PTPRJ: variants seen among roughly 807,000 people sequenced by gnomAD.
The protein encoded by PTPRJ is receptor-type tyrosine-protein phosphatase eta.
A neutral mutation model predicts 141.3 loss-of-function variants in PTPRJ; 129 were observed. The observed-to-expected ratio is 0.91, with a 90% CI of 0.79 to 1.06. The LOEUF is 1.06. PTPRJ is among the 50% of genes least tolerant of loss of function. PTPRJ has a pLI of 0.00. For synonymous variants in PTPRJ, 610 were observed against 640.5 expected (o/e 0.95, Z 0.72); for missense variants, 1,601 against 1,679.7 (o/e 0.95, Z 0.82).
chr11:48,118,452 A>G (rs144526897), intron 3 of PTPRJ, among the ~76,000 whole-genome samples: 2 of 152,326 alleles, frequency 1.3e-5, no homozygotes, highest in East Asian at 3.9e-4. Context: ...GGAGGAGAGA[A>G]TACTTCCAAA....
chr11:48,053,532 TATA>T (rs919295144), intron 1 of PTPRJ, among the ~76,000 whole-genome samples: 2 of 130,902 alleles, frequency 1.5e-5, no homozygotes, highest in African/African-American at 6.0e-5. Context: ...AGAGGTCAAA[TATA>T]ATATTATATA....
chr11:48,141,946 T>G (rs78781435), intron 11 of PTPRJ, among the ~76,000 whole-genome samples: 3,207 of 152,118 alleles, frequency 0.021, 119 homozygotes, highest in African/African-American at 0.073. Context: ...GTGTTTTTTT[T>G]TTTTTTTAAA....
chr11:48,113,042 A>G, intron 3 of PTPRJ, 59 bp downstream of exon 3: 1 of 1,400,206 alleles, frequency 7.1e-7, no homozygotes, highest in Non-Finnish European at 9.8e-7. Context: ...GAATTTATAA[A>G]TGTCATGTTT....
chr11:48,108,684 T>G (rs982907565), intron 1 of PTPRJ, among the ~76,000 whole-genome samples: 2 of 152,212 alleles, frequency 1.3e-5, no homozygotes, highest in African/African-American at 2.4e-5. Context: ...TCTGCCTCTC[T>G]CCTATGATCC....
chr11:48,098,109 C>T (rs910613974), intron 1 of PTPRJ, among the ~76,000 whole-genome samples: 1 of 152,186 alleles, frequency 6.6e-6, no homozygotes, highest in Non-Finnish European at 1.5e-5. Context: ...TCACACAGTT[C>T]CACTGCTTGC....
chr11:48,084,651 G>A (rs1855649985), intron 1 of PTPRJ, among the ~76,000 whole-genome samples: 1 of 152,170 alleles, frequency 6.6e-6, no homozygotes, highest in African/African-American at 2.4e-5. Flanking sequence ...TGAAGCAGAC[G>A]AGCTCTGACT....
intron 1 of PTPRJ, among the ~76,000 whole-genome samples, chr11:48,084,465 T>C (rs1295564446): frequency 6.6e-6 from 1 of 152,196 alleles, no homozygotes; most frequent in Non-Finnish European, 1.5e-5. Context: ...ATTACAGGCA[T>C]GGCAGAATCT....
rs1856952690 is a variant in PTPRJ at position 48,130,601 on chromosome 11, C to T, written c.1500C>T (p.Thr500=). 6 of 1,614,074 alleles carry T rather than the reference C, an allele frequency of 3.7e-6. No individual in the cohort carries two copies. Among genetic ancestry groups the T allele is most frequent in the Non-Finnish European group, 5.1e-6 (6 of 1,179,998 alleles). Residue 500 remains threonine, a synonymous_variant, in exon 8 of 25, where the codon ACC becomes ACT. Coordinates refer to ENST00000418331, the MANE Select transcript of PTPRJ (RefSeq NM_002843.4). Reference sequence around the variant, plus strand: ...GCAATTCTCGGGTAGAAATAACCACCAACCAAAGTATTATCATTGGTGGCT... The same window carrying T: ...GCAATTCTCGGGTAGAAATAACCACTAACCAAAGTATTATCATTGGTGGCT... ...GAGNSRVEIT[T]NQSIIIGGLF...
chr11:48,076,839 G>A (rs1855418853), intron 1 of PTPRJ, among the ~76,000 whole-genome samples: 2 of 150,406 alleles, frequency 1.3e-5, no homozygotes, highest in Admixed American at 6.6e-5. Context: ...ACAATTGGTA[G>A]AAAAGAACAA....
intron 1 of PTPRJ, among the ~76,000 whole-genome samples, chr11:48,082,986 G>C (rs566450579): frequency 5.9e-5 from 9 of 152,222 alleles, no homozygotes; most frequent in Admixed American, 2.0e-4. Context: ...TCATTGGAGG[G>C]GTGGAGGCCC....
At chr11:48,061,122 A>G (rs1854910595) in intron 1 of PTPRJ, among the ~76,000 whole-genome samples, 1 of 152,158 alleles carries the variant, frequency 6.6e-6, no homozygotes, top group South Asian at 2.1e-4. Context: ...GATTACAGGC[A>G]TGTACCACCA....
chr11:48,027,516 T>C (rs936029961), intron 1 of PTPRJ, among the ~76,000 whole-genome samples: 2 of 151,708 alleles, frequency 1.3e-5, no homozygotes, highest in African/African-American at 2.4e-5. Context: ...GTCGTCTGGG[T>C]GCAGTGACTC....
chr11:48,073,088 T>C (rs1219088180), intron 1 of PTPRJ, among the ~76,000 whole-genome samples: 2 of 152,216 alleles, frequency 1.3e-5, no homozygotes, highest in Non-Finnish European at 2.9e-5. Context: ...AGTCTTACGA[T>C]GGGGGTGGTC....
At chr11:48,067,930 A>G (rs1327796846) in intron 1 of PTPRJ, among the ~76,000 whole-genome samples, 1 of 152,254 alleles carries the variant, frequency 6.6e-6, no homozygotes, top group Non-Finnish European at 1.5e-5. Flanking sequence ...CAGAAGGCCC[A>G]TGTCTCAATA....
chr11:48,123,821 A>G lies in PTPRJ; in HGVS notation c.825A>G (p.Leu275=), dbSNP rs1856769575. Residue 275 remains leucine (L), a synonymous_variant, in exon 5 of 25, where the codon CTA becomes CTG. Transcript: ENST00000418331. ...GVQYNINPYL[L]QSNKTKGDPL... ...AATACAACATCAACCCGTATCTTCT[A>G]CAATCAAATAAGACAAAGGGAGACC... 4 of 1,614,136 alleles carry G rather than the reference A, an allele frequency of 2.5e-6. No individual in the cohort carries two copies. The highest frequency in any genetic ancestry group is 3.4e-6 in the Non-Finnish European group (4 of 1,180,000).
chr11:48,082,805 A>G lies in PTPRJ; in HGVS notation c.97-27253A>G, dbSNP rs150516198. 2.5e-3 allele frequency among the ~76,000 whole-genome samples: 382 copies of G among 152,226 alleles called. 2 individuals carry two copies. The highest frequency in any genetic ancestry group is 2.7e-3 in the South Asian group (13 of 4,816). Reference sequence around the variant, plus strand: ...AACCATGTATTACATAATAGGGGTGACACTTGTTAACTTCTCCCAGGCTCA... The same window carrying G: ...AACCATGTATTACATAATAGGGGTGGCACTTGTTAACTTCTCCCAGGCTCA... On this transcript the variant is annotated intron_variant, in intron 1 of 24. Transcript: ENST00000418331.
rs1411429543 is a variant in PTPRJ, at chr11:48,115,525, C to T, written c.352+2542C>T. ...CAAAAGCTGAGGGAGTTCATCACCA[C>T]TAGACATGTCTTATAAGAAATGCTA... On this transcript the variant is annotated intron_variant, in intron 3 of 24. Transcript: ENST00000418331. Among the ~76,000 whole-genome samples the T allele has an allele frequency of 3.3e-5, 5 of 152,240 alleles. No homozygotes were observed. The East Asian group carries it at 9.6e-4, about 29-fold the overall frequency.
intron 1 of PTPRJ, among the ~76,000 whole-genome samples, chr11:48,086,370 C>A (rs1855710209): frequency 6.6e-6 from 1 of 152,164 alleles, no homozygotes; most frequent in Non-Finnish European, 1.5e-5. Context: ...CGGGGTTTCA[C>A]CATGTTGACC....
intron 18 of PTPRJ, 36 bp downstream of exon 18, chr11:48,150,219 G>A: frequency 6.3e-7 from 1 of 1,581,660 alleles, no homozygotes; most frequent in Non-Finnish European, 8.7e-7. Context: ...AATTGTGTCA[G>A]GTTCCAACCC....
Sources: allele counts gnomAD v4.1 joint callset (sites outside exome capture counted in the v4.1 genomes callset), GRCh38; gene constraint gnomAD v4.1.1; transcripts MANE v1.5; gene names NCBI Gene and HGNC (gene_info 2026-07-23, HGNC 2026-07-21).